Variants in ASTN2 observed in about 807,000 individuals in gnomAD.
ASTN2 encodes the protein astrotactin-2.
In ASTN2, 54 loss-of-function variants were observed where a neutral mutation model predicts 139.8. The ratio of observed to expected loss-of-function variants is 0.39; its 90% CI spans 0.31 to 0.48. The LOEUF is 0.48. ASTN2 is among the 20% of genes least tolerant of loss of function. The pLI is 0.95. For missense variants in ASTN2, 1,565 were observed against 1,725.1 expected (o/e 0.91, Z 1.64); for synonymous variants, 756 against 719.5 (o/e 1.05, Z -0.81).
chr9:117,187,719 C>T (rs1331906727), intron 3 of ASTN2, among the ~76,000 whole-genome samples: 2 of 152,134 alleles, frequency 1.3e-5, no homozygotes, highest in African/African-American at 4.8e-5. Flanking sequence ...CCAGATGCAG[C>T]CCTCCTACCT....
chr9:116,451,385 G>T (rs983933193), intron 20 of ASTN2, among the ~76,000 whole-genome samples: 7 of 152,066 alleles, frequency 4.6e-5, no homozygotes, highest in Non-Finnish European at 1.0e-4. Context: ...TCCACTCTGT[G>T]TGCTTTGCCA....
rs114954452 is a variant in ASTN2, at chr9:117,192,790, A to G, written c.1015+21568T>C. ...AACTTAAGGGATGTGGGTATAAAGT[A>G]CAATTGCACCATCAAACTCTCTGTA... is the stretch of plus-strand genomic sequence containing the variant. On this transcript the variant is annotated intron_variant, in intron 3 of 22. Coordinates refer to ENST00000313400, the MANE Select transcript of ASTN2 (RefSeq NM_001365068.1). Among the ~76,000 whole-genome samples, 1,327 of 152,332 alleles carry G rather than the reference A, an allele frequency of 8.7e-3. 25 individuals carry two copies. Among genetic ancestry groups the G allele is most frequent in the African/African-American group, 0.03 (1,265 of 41,572 alleles).
chr9:116,628,533 T>C (rs142874645), intron 17 of ASTN2, among the ~76,000 whole-genome samples: 61 of 152,094 alleles, frequency 4.0e-4, no homozygotes, highest in Non-Finnish European at 7.5e-4. Flanking sequence ...GGCTAACCTA[T>C]GGAGACAGTA....
chr9:117,386,316 A>G (rs1588002396), intron 1 of ASTN2, among the ~76,000 whole-genome samples: 1 of 152,196 alleles, frequency 6.6e-6, no homozygotes, highest in East Asian at 1.9e-4. Context: ...ATGCACCGCT[A>G]TTCGCAGTTA....
chr9:117,052,706 C>A (rs4838121), intron 5 of ASTN2, among the ~76,000 whole-genome samples: 69,232 of 151,658 alleles, frequency 0.46, 16,325 homozygotes, highest in East Asian at 0.68. Flanking sequence ...ATATGCGAAG[C>A]CTCTGCTGGG....
intron 3 of ASTN2, among the ~76,000 whole-genome samples, chr9:117,150,544 G>C (rs1323986595): frequency 1.3e-5 from 2 of 152,172 alleles, no homozygotes; most frequent in African/African-American, 4.8e-5. Context: ...ATCAACCACA[G>C]TCTCTTACCA....
At chr9:117,041,676 T>C (rs1214234445) in intron 5 of ASTN2, among the ~76,000 whole-genome samples, 1 of 152,164 alleles carries the variant, frequency 6.6e-6, no homozygotes, top group Admixed American at 6.5e-5. Context: ...GTGATCCATA[T>C]TCATTAGACT....
intron 11 of ASTN2, among the ~76,000 whole-genome samples, chr9:116,846,432 CTTCAAAGAAAATCTAGACCAACTGG>C (rs1408306859): frequency 5.3e-5 from 8 of 152,290 alleles, no homozygotes; most frequent in Non-Finnish European, 1.2e-4. Flanking sequence ...TGGTTCCTAA[CTTCAAAGAAAATCTAGACCAACTGG>C]AGGGACCGGA....
chr9:116,512,575 T>C (rs1243227063), intron 19 of ASTN2, among the ~76,000 whole-genome samples: 1 of 152,184 alleles, frequency 6.6e-6, no homozygotes, highest in African/African-American at 2.4e-5. Flanking sequence ...TTCTGTCTCG[T>C]TGATCTGTCT....
At chr9:117,123,435 C>T (rs1009201338) in intron 4 of ASTN2, among the ~76,000 whole-genome samples, 2 of 151,962 alleles carry the variant, frequency 1.3e-5, no homozygotes, top group African/African-American at 4.8e-5. Context: ...GGTCTTGCCT[C>T]GTGAGCCAAA....
intron 19 of ASTN2, among the ~76,000 whole-genome samples, chr9:116,518,648 T>C (rs1850747031): frequency 1.3e-5 from 2 of 151,972 alleles, no homozygotes; most frequent in Non-Finnish European, 1.5e-5. Flanking sequence ...GCACAATAAA[T>C]AGAATAGTAC....
chr9:116,434,603 G>T (rs1009314128), intron 22 of ASTN2, among the ~76,000 whole-genome samples: 1 of 152,210 alleles, frequency 6.6e-6, no homozygotes. Context: ...GAAGCAAAAT[G>T]TCCTCAAGAG....
chr9:117,275,372 C>T (rs530772842), intron 2 of ASTN2, among the ~76,000 whole-genome samples: 1 of 152,224 alleles, frequency 6.6e-6, no homozygotes, highest in South Asian at 2.1e-4. Context: ...ATACTAAAAA[C>T]TGGATGGCCT....
chr9:117,231,102 T>G (rs1832877872), intron 2 of ASTN2, among the ~76,000 whole-genome samples: 1 of 152,240 alleles, frequency 6.6e-6, no homozygotes, highest in Non-Finnish European at 1.5e-5. Flanking sequence ...TACAGCACTC[T>G]CTGAGTTTCT....
intron 11 of ASTN2, among the ~76,000 whole-genome samples, chr9:116,847,020 A>AC (rs745981927): frequency 0.013 from 1,737 of 134,890 alleles, 24 homozygotes; most frequent in East Asian, 0.032. Flanking sequence ...AAAAAAAAAA[A>AC]AAAAAACAAA....
intron 16 of ASTN2, among the ~76,000 whole-genome samples, chr9:116,703,742 A>AAT (rs1827915071): frequency 6.6e-6 from 1 of 150,842 alleles, no homozygotes; most frequent in Non-Finnish European, 1.5e-5. Context: ...AAAAAAAAAA[A>AAT]GTGCAGTGTT....
intron 6 of ASTN2, among the ~76,000 whole-genome samples, chr9:117,034,360 G>A (rs1260576130): frequency 6.6e-6 from 1 of 152,132 alleles, no homozygotes; most frequent in Non-Finnish European, 1.5e-5. Context: ...TGTGTGATCA[G>A]GGTTAGTATG....
intron 19 of ASTN2, among the ~76,000 whole-genome samples, chr9:116,602,937 T>C (rs1027718594): frequency 6.6e-6 from 1 of 152,030 alleles, no homozygotes; most frequent in Non-Finnish European, 1.5e-5. Flanking sequence ...TCTCAAAGAA[T>C]GATGAAGAAG....
At chr9:116,954,842 C>T (rs1835666780) in intron 10 of ASTN2, among the ~76,000 whole-genome samples, 2 of 152,164 alleles carry the variant, frequency 1.3e-5, no homozygotes, top group Non-Finnish European at 2.9e-5. Context: ...ATGAGCATCC[C>T]TTAGGAACTT....
Sources: gnomAD v4.1 joint callset for allele counts (sites outside exome capture counted in the v4.1 genomes callset) on GRCh38, gnomAD v4.1.1 for gene constraint, MANE v1.5 for transcripts, NCBI Gene and HGNC (gene_info 2026-07-23, HGNC 2026-07-21) for gene names.